The following SMPD4 variants were observed in gnomAD, a reference collection of about 807,000 sequenced individuals.
The protein encoded by SMPD4 is neutral sphingomyelinase 3.
SMPD4 carries 58 observed loss-of-function variants against 97.8 expected under a neutral mutation model. The ratio of observed to expected loss-of-function variants is 0.59; its 90% CI spans 0.48 to 0.74. The LOEUF is 0.74. Ranked by LOEUF, SMPD4 falls within the 30% of genes least tolerant of loss-of-function variation. SMPD4 has a pLI of 0.00. For synonymous variants in SMPD4, 388 were observed against 450.0 expected (o/e 0.86, Z 1.74); for missense variants, 853 against 1,080.5 (o/e 0.79, Z 2.95).
intron 2 of SMPD4, among the ~76,000 whole-genome samples, chr2:130,175,480 C>T: frequency 6.9e-6 from 1 of 144,140 alleles, no homozygotes; most frequent in East Asian, 1.9e-4. Flanking sequence ...ATGGCAGAAG[C>T]TCTCTTAAAT....
chr2:130,156,864 C>G (rs1686855511), intron 12 of SMPD4, 189 bp from the exon 13 acceptor site: 11 of 1,500,326 alleles, frequency 7.3e-6, no homozygotes, highest in African/African-American at 1.4e-5. Context: ...ATCCCAAGGA[C>G]ACACAGCACG....
chr2:130,166,185 T>G (rs886720361), intron 9 of SMPD4, among the ~76,000 whole-genome samples: 1 of 151,812 alleles, frequency 6.6e-6, no homozygotes, highest in African/African-American at 2.4e-5. Flanking sequence ...AGTGGGCACC[T>G]GTAATCCTAG....
In SMPD4 at chr2:130,156,587, C is replaced by A. The variant is rs1686822754; in HGVS notation, c.1186G>T (p.Ala396Ser). The change falls in exon 13 of 20, where the codon GCT becomes TCT. Residue 396 changes from alanine to serine, a missense_variant and splice_region_variant. Around this residue, in one of 3 missense-constraint regions of SMPD4, gnomAD observed 511 missense variants for 608.1 expected, o/e 0.84. Transcript: ENST00000680298. ...CGTGTGACGGGGCCAACACTCACAG[C>A]TCTGAACGATGCGTCCAGGGGCCAG... Reference protein sequence around the residue: ...GHWPLDASFRAVLEMWLSYLQ... With the variant: ...GHWPLDASFRSVLEMWLSYLQ... 1 of 1,613,312 alleles carries A rather than the reference C, an allele frequency of 6.2e-7. No individual in the cohort carries two copies. The highest frequency in any genetic ancestry group is 8.5e-7 in the Non-Finnish European group (1 of 1,179,678).
chr2:130,172,253 G>A (rs928047698), intron 8 of SMPD4, 96 bp downstream of exon 8: 26 of 1,352,128 alleles, frequency 1.9e-5, no homozygotes, highest in African/African-American at 2.9e-5. Flanking sequence ...TTGGGGAACC[G>A]TGGACAAAGG....
intron 10 of SMPD4, among the ~76,000 whole-genome samples, chr2:130,161,498 C>G (rs1211889742): frequency 7.9e-5 from 12 of 152,194 alleles, no homozygotes; most frequent in South Asian, 2.1e-4. Flanking sequence ...CGCAGCACCC[C>G]CCTCCACAAC....
At chr2:130,179,221 C>T (rs953239765) in intron 1 of SMPD4, among the ~76,000 whole-genome samples, 15 of 151,550 alleles carry the variant, frequency 9.9e-5, no homozygotes, top group Non-Finnish European at 1.8e-4. Context: ...CTTGGGTTCA[C>T]GCCATTCTCC....
intron 5 of SMPD4, 135 bp downstream of exon 5, chr2:130,173,144 C>T: frequency 9.6e-7 from 1 of 1,039,346 alleles, no homozygotes; most frequent in Non-Finnish European, 1.5e-6. Flanking sequence ...ATACCCATTT[C>T]CTTTGCCTCT....
At chr2:130,163,748 C>T (rs962245564) in intron 10 of SMPD4, among the ~76,000 whole-genome samples, 4 of 152,226 alleles carry the variant, frequency 2.6e-5, no homozygotes, top group Non-Finnish European at 5.9e-5. Flanking sequence ...GCTCCAGGAA[C>T]GGCAACAGCA....
intron 2 of SMPD4, among the ~76,000 whole-genome samples, chr2:130,175,217 C>A (rs1343101787): frequency 6.6e-6 from 1 of 152,110 alleles, no homozygotes; most frequent in Non-Finnish European, 1.5e-5. Context: ...GAACTATCAG[C>A]CTTGTTTCCC....
chr2:130,172,533 C>G, intron 7 of SMPD4, 33 bp from the exon 8 acceptor site: 2 of 1,613,058 alleles, frequency 1.2e-6, no homozygotes, highest in Non-Finnish European at 1.7e-6. Context: ...AGCATGGGCT[C>G]TGGACACTGC....
Position 130,156,500 on chromosome 2 carries a change from TCTC to T in SMPD4, c.1188+82_1188+84del, listed in dbSNP as rs531445020. 619 of 1,322,392 alleles carry T rather than the reference TCTC, an allele frequency of 4.7e-4. No individual in the cohort carries two copies. In the East Asian group the frequency reaches 7.4e-3, roughly 16 times the overall value. The allele number at this position is 1,322,392 out of a possible 1,614,324, so 81.9% of individuals were successfully genotyped here. ...CCAAGGCCTCTGTGATAACACTTGCTCTCCTCCTTTATCTGCCCCAAAGGACCT... is the reference window on the plus strand; with the variant it reads ...CCAAGGCCTCTGTGATAACACTTGCTCTCCTTTATCTGCCCCAAAGGACCT... On this transcript the variant is annotated intron_variant, in intron 13 of 19. Transcript: ENST00000680298.
intron 14 of SMPD4, 49 bp from the exon 15 acceptor site, chr2:130,155,308 G>A: frequency 6.2e-7 from 1 of 1,607,734 alleles, no homozygotes; most frequent in South Asian, 1.1e-5. Flanking sequence ...CTGGAAGCAT[G>A]CCCCTAATGC....
Position 130,175,013 on chromosome 2 carries a change from A to G in SMPD4, c.40-13T>C. 6.3e-7 allele frequency: 1 copy of G among 1,590,036 alleles called. No individual in the cohort carries two copies. Among genetic ancestry groups the G allele is most frequent in the South Asian group, 1.1e-5 (1 of 90,426 alleles). On this transcript the variant is annotated splice_polypyrimidine_tract_variant and intron_variant, in intron 2 of 19. Transcript: ENST00000680298. ...CTTTCAGGCTAGCCTAGAAGACAGA[A>G]CAAAGCGAAAAAGTCACGAGGACAT...
chr2:130,169,351 T>C (rs1333249251), intron 8 of SMPD4, among the ~76,000 whole-genome samples: 1 of 152,164 alleles, frequency 6.6e-6, no homozygotes, highest in Non-Finnish European at 1.5e-5. Flanking sequence ...CAATACTAAC[T>C]TCCTGGTGTG....
At chr2:130,163,243 A>G (rs1464614087) in intron 10 of SMPD4, among the ~76,000 whole-genome samples, 1 of 152,214 alleles carries the variant, frequency 6.6e-6, no homozygotes, top group Non-Finnish European at 1.5e-5. Flanking sequence ...GGCCAGGAAC[A>G]TGCAGCAAGT....
intron 9 of SMPD4, among the ~76,000 whole-genome samples, chr2:130,165,438 A>C (rs59153873): frequency 1.4e-5 from 2 of 147,484 alleles, no homozygotes; most frequent in Non-Finnish European, 1.5e-5. Flanking sequence ...AAAAAAAAAC[A>C]AAAAAAAAAC....
intron 9 of SMPD4, among the ~76,000 whole-genome samples, chr2:130,166,940 G>C (rs1687986917): frequency 6.6e-6 from 1 of 152,218 alleles, no homozygotes. Context: ...CCATGGACAG[G>C]GGATCCTGGG....
intron 8 of SMPD4, among the ~76,000 whole-genome samples, chr2:130,170,673 AG>A (rs1192855102): frequency 1.3e-5 from 2 of 151,704 alleles, no homozygotes; most frequent in African/African-American, 4.8e-5. Context: ...TTGAAGTGGG[AG>A]GATCACTTGA....
rs552001328 is a variant in SMPD4, at chr2:130,174,155, G to A, written c.127-499C>T. Among the ~76,000 whole-genome samples, 6 of 152,194 alleles carry A rather than the reference G, an allele frequency of 3.9e-5. No homozygotes were observed. The East Asian group carries it at 1.2e-3, about 29-fold the overall frequency. ...CCCACCTCAGCTTCCTGAGTAAATG[G>A]GACTATAGGCACACACCACTACACT... On this transcript the variant is annotated intron_variant, in intron 3 of 19. Coordinates refer to ENST00000680298, the MANE Select transcript of SMPD4 (RefSeq NM_017951.5).
Sources: allele counts gnomAD v4.1 joint callset (sites outside exome capture counted in the v4.1 genomes callset), GRCh38; gene constraint gnomAD v4.1.1; regional missense constraint gnomAD v4.1.1; transcripts MANE v1.5; gene names NCBI Gene and HGNC (gene_info 2026-07-23, HGNC 2026-07-21).